Variants in GOLGA1 observed in about 807,000 individuals in gnomAD.
GOLGA1 encodes golgin A1, also known as golgin subfamily A member 1.
A neutral mutation model predicts 119.7 loss-of-function variants in GOLGA1; 63 were observed. That is an observed-to-expected ratio of 0.53 (90% CI 0.43 to 0.65). GOLGA1 has a LOEUF of 0.65. Among genes scored for constraint, GOLGA1 ranks in the 30% least tolerant of loss-of-function variants. The pLI is 0.00. For missense variants in GOLGA1, 798 were observed against 912.8 expected (o/e 0.87, Z 1.62); for synonymous variants, 318 against 333.4 (o/e 0.95, Z 0.50).
chr9:124,903,932 G>A (rs1477279300), intron 12 of GOLGA1, among the ~76,000 whole-genome samples: 5 of 151,838 alleles, frequency 3.3e-5, no homozygotes, highest in South Asian at 2.1e-4. Context: ...GCCTGTAGGC[G>A]CGCGCCTGTA....
Position 124,939,550 on chromosome 9 carries a change from C to CT in GOLGA1, c.-156+555dup, listed in dbSNP as rs3051147. Among the ~76,000 whole-genome samples the CT allele has an allele frequency of 5.8e-3, 471 of 81,792 alleles. 31 individuals are homozygous for CT. Among genetic ancestry groups the CT allele is most frequent in the Middle Eastern group, 0.026 (2 of 78 alleles). The allele number at this position is 81,792 out of a possible 152,430, so 53.7% of individuals were successfully genotyped here. On this transcript the variant is annotated intron_variant, in intron 2 of 22. Coordinates refer to ENST00000373555, the MANE Select transcript of GOLGA1 (RefSeq NM_002077.4). Reference sequence around the variant, plus strand: ...TCCAATGAGTTTATTTTCTTTCTTTCTTTTTTTTTTTTTTTTTTTTTTTTT... The same window carrying CT: ...TCCAATGAGTTTATTTTCTTTCTTTCTTTTTTTTTTTTTTTTTTTTTTTTTT...
chr9:124,881,888 C>A lies in GOLGA1; in HGVS notation c.2032G>T (p.Ala678Ser). ...EKPGPEMANM[A>S]PSVTNNTDLT... ...TCAGTGTTATTCGTGACGGAAGGCG[C>A]CATGTTTGCCATCTCAGGTCCAGGT... Residue 678 changes from alanine (A) to serine (S), a missense_variant, in exon 21 of 23, where the codon GCG becomes TCG. Transcript: ENST00000373555. This position sits in a 1 kb window ranked among gnomAD's most constrained non-coding sequence, Gnocchi z 4.9. 2 of 1,612,100 alleles carry A rather than the reference C, an allele frequency of 1.2e-6. No individual in the cohort carries two copies. Among genetic ancestry groups the A allele is most frequent in the Non-Finnish European group, 1.7e-6 (2 of 1,178,526 alleles).
chr9:124,911,798 G>GA, intron 11 of GOLGA1, 103 bp downstream of exon 11: 1 of 969,138 alleles, frequency 1.0e-6, no homozygotes, highest in South Asian at 1.5e-5. Flanking sequence ...TTGTTACCAT[G>GA]CTGTTTGCTG....
intron 12 of GOLGA1, among the ~76,000 whole-genome samples, chr9:124,906,760 A>G (rs1652678405): frequency 6.6e-6 from 1 of 152,226 alleles, no homozygotes; most frequent in African/African-American, 2.4e-5. Context: ...CTCAAAAGAA[A>G]AAAAAGATAC....
chr9:124,898,322 G>A (rs1039362364), intron 15 of GOLGA1, among the ~76,000 whole-genome samples: 2 of 152,138 alleles, frequency 1.3e-5, no homozygotes, highest in African/African-American at 2.4e-5. Flanking sequence ...GTTTACCCTC[G>A]GAACCTCAAT....
intron 3 of GOLGA1, among the ~76,000 whole-genome samples, chr9:124,935,212 G>A (rs1830840855): frequency 2.0e-5 from 3 of 152,136 alleles, no homozygotes; most frequent in Non-Finnish European, 2.9e-5. Flanking sequence ...TTCAGATTTT[G>A]GAATGTCTGC....
intron 14 of GOLGA1, 114 bp downstream of exon 14, chr9:124,899,215 T>G: frequency 1.1e-6 from 1 of 950,834 alleles, no homozygotes; most frequent in Non-Finnish European, 1.5e-6. Flanking sequence ...AAAAGCTGCC[T>G]TCTAAAGTGG....
chr9:124,881,382 G>A lies in GOLGA1; in HGVS notation c.2137-125C>T, dbSNP rs1424001546. Reference sequence around the variant, plus strand: ...GGACCAGGTGGTGGGTGACGCTCTGGCACTCTGAAGTTTGGCAGCAATGAT... The same window carrying A: ...GGACCAGGTGGTGGGTGACGCTCTGACACTCTGAAGTTTGGCAGCAATGAT... On this transcript the variant is annotated intron_variant, in intron 21 of 22. Coordinates refer to ENST00000373555, the MANE Select transcript of GOLGA1 (RefSeq NM_002077.4). This position sits in a 1 kb window ranked among gnomAD's most constrained non-coding sequence, Gnocchi z 4.9. 4.2e-6 allele frequency: 3 copies of A among 706,776 alleles called. No individual in the cohort carries two copies. Among genetic ancestry groups the A allele is most frequent in the Non-Finnish European group, 5.2e-6 (2 of 386,464 alleles). The allele number at this position is 706,776 out of a possible 1,614,324, so 43.8% of individuals were successfully genotyped here.
chr9:124,916,891 A>C (rs1024754383), intron 10 of GOLGA1, among the ~76,000 whole-genome samples: 1 of 150,068 alleles, frequency 6.7e-6, no homozygotes, highest in African/African-American at 2.4e-5. Flanking sequence ...AAAAAAAAAA[A>C]AAAAAAAAAA....
intron 15 of GOLGA1, among the ~76,000 whole-genome samples, chr9:124,895,418 C>T (rs1264018273): frequency 6.6e-6 from 1 of 150,472 alleles, no homozygotes; most frequent in African/African-American, 2.4e-5. Flanking sequence ...AGAGACGCTC[C>T]ACAACAGAGA....
intron 3 of GOLGA1, among the ~76,000 whole-genome samples, chr9:124,937,789 A>G (rs1246570807): frequency 6.6e-6 from 1 of 152,214 alleles, no homozygotes; most frequent in Non-Finnish European, 1.5e-5. Flanking sequence ...TACTAATAAG[A>G]AACATATTGT....
intron 7 of GOLGA1, 35 bp from the exon 8 acceptor site, chr9:124,923,258 G>T: frequency 6.6e-7 from 1 of 1,507,476 alleles, no homozygotes; most frequent in Non-Finnish European, 9.0e-7. Flanking sequence ...CTCAGGCAAC[G>T]AAAGCATTAG....
chr9:124,935,830 G>GTGA (rs1487426971), intron 3 of GOLGA1, among the ~76,000 whole-genome samples: 2 of 151,724 alleles, frequency 1.3e-5, no homozygotes, highest in Non-Finnish European at 2.9e-5. Context: ...ACACCAAGAA[G>GTGA]TGAAAGGAGG....
chr9:124,921,564 G>T, intron 9 of GOLGA1, 159 bp downstream of exon 9: 1 of 688,144 alleles, frequency 1.5e-6, no homozygotes, highest in Non-Finnish European at 2.6e-6. Flanking sequence ...TTGGAGGTAG[G>T]GTGAGGCCTG....
intron 19 of GOLGA1, among the ~76,000 whole-genome samples, chr9:124,887,780 C>T (rs1829756998): frequency 6.6e-6 from 1 of 152,032 alleles, no homozygotes; most frequent in East Asian, 1.9e-4. Flanking sequence ...GGGTGGGGAC[C>T]ATGACATTTA....
chr9:124,899,485 GGAGACCAAAGGACGGTCAGTCAGGGT>G lies in GOLGA1; in HGVS notation c.1162-33_1162-8del. Reference sequence around the variant, plus strand: ...TCTCCTGGTTGGCGGCAGCCTGCGGGGAGACCAAAGGACGGTCAGTCAGGGTGACAATGGTTTCCAGTGGGGGATCT... The same window carrying G: ...TCTCCTGGTTGGCGGCAGCCTGCGGGGACAATGGTTTCCAGTGGGGGATCT... On this transcript the variant is annotated splice_polypyrimidine_tract_variant and splice_region_variant and intron_variant, in intron 13 of 22. Coordinates refer to ENST00000373555, the MANE Select transcript of GOLGA1 (RefSeq NM_002077.4). The G allele has an allele frequency of 6.5e-7, 1 of 1,543,042 alleles. No homozygotes were observed. The highest frequency in any genetic ancestry group is 8.7e-7 in the Non-Finnish European group (1 of 1,148,574).
At chr9:124,923,326 C>A (rs1830608169) in intron 7 of GOLGA1, 103 bp from the exon 8 acceptor site, 1 of 924,542 alleles carries the variant, frequency 1.1e-6, no homozygotes, top group Non-Finnish European at 1.6e-6. Flanking sequence ...TCTTTAGAGA[C>A]AGAGTCTCAC....
chr9:124,944,976 A>G (rs1354664338), upstream of GOLGA1: 2 of 152,208 alleles, frequency 1.3e-5, no homozygotes, highest in East Asian at 1.9e-4. Flanking sequence ...GTGATATCCT[A>G]TTAGCTTTCA....
intron 11 of GOLGA1, among the ~76,000 whole-genome samples, chr9:124,909,059 C>G (rs1312218412): frequency 6.6e-6 from 1 of 152,162 alleles, no homozygotes; most frequent in Non-Finnish European, 1.5e-5. Context: ...CCTGTAATCC[C>G]AGAACTTTGG....
Sources: gnomAD v4.1 joint callset for allele counts (sites outside exome capture counted in the v4.1 genomes callset) on GRCh38, gnomAD v4.1.1 for gene constraint, Gnocchi (gnomAD v3.1) non-coding constraint, MANE v1.5 for transcripts, NCBI Gene and HGNC (gene_info 2026-07-23, HGNC 2026-07-21) for gene names.